Variants in MAGI1 observed in about 807,000 individuals in gnomAD.
MAGI1 encodes membrane associated guanylate kinase, WW and PDZ domain containing 1.
Under a neutral mutation model 139.9 loss-of-function variants are expected in MAGI1, and 58 were observed. That is an observed-to-expected ratio of 0.41 (90% confidence interval 0.34 to 0.52). The LOEUF (loss-of-function observed/expected upper bound fraction) is 0.52. Ranked by LOEUF, MAGI1 falls within the 20% of genes least tolerant of loss-of-function variation. MAGI1 has a pLI of 0.12. For synonymous variants in MAGI1, 812 were observed against 737.9 expected (o/e 1.10, Z -1.63); for missense variants, 1,874 against 1,901.6 (o/e 0.99, Z 0.27).
intron 1 of MAGI1, among the ~76,000 whole-genome samples, chr3:65,805,752 C>T (rs2040814687): frequency 6.6e-6 from 1 of 152,162 alleles, no homozygotes; most frequent in African/African-American, 2.4e-5. Flanking sequence ...GAATACTATG[C>T]AGCCATAAAA....
chr3:65,539,416 AAC>A (rs901676519), intron 2 of MAGI1, among the ~76,000 whole-genome samples: 1 of 152,266 alleles, frequency 6.6e-6, no homozygotes, highest in African/African-American at 2.4e-5. Context: ...AACTACTGTC[AAC>A]CAGAAACACA....
chr3:65,962,460 G>A (rs2064488408), intron 1 of MAGI1, among the ~76,000 whole-genome samples: 1 of 151,972 alleles, frequency 6.6e-6, no homozygotes. Flanking sequence ...GTTCCTCCAG[G>A]AACTACACAC....
At chr3:65,847,576 T>C (rs1035505335) in intron 1 of MAGI1, among the ~76,000 whole-genome samples, 2 of 152,238 alleles carry the variant, frequency 1.3e-5, no homozygotes, top group African/African-American at 4.8e-5. Flanking sequence ...AATATATTTA[T>C]CAATGTGTAT....
intron 12 of MAGI1, among the ~76,000 whole-genome samples, chr3:65,411,918 A>G (rs1945824871): frequency 1.3e-5 from 2 of 151,966 alleles, no homozygotes; most frequent in African/African-American, 4.8e-5. Context: ...CACTGCCACT[A>G]CCTTCTCTTG....
intron 1 of MAGI1, among the ~76,000 whole-genome samples, chr3:65,895,455 G>A (rs937413870): frequency 1.3e-5 from 2 of 152,226 alleles, no homozygotes; most frequent in African/African-American, 4.8e-5. Flanking sequence ...CAGGGTCAGA[G>A]ACCAGAATTC....
intron 7 of MAGI1, among the ~76,000 whole-genome samples, chr3:65,443,995 C>A (rs571674215): frequency 6.6e-6 from 1 of 152,154 alleles, no homozygotes; most frequent in Non-Finnish European, 1.5e-5. Context: ...TGCACACAAA[C>A]ACATACAGGC....
intron 22 of MAGI1, 27 bp from the exon 23 acceptor site, chr3:65,357,159 A>T (rs552891020): frequency 6.3e-7 from 1 of 1,580,058 alleles, no homozygotes; most frequent in South Asian, 1.2e-5. Context: ...CGAGAGCAAC[A>T]GTTGGGTACG....
rs116859259 is a variant in MAGI1, at chr3:65,557,143, G to C, written c.431-63512C>G. 2.1e-3 allele frequency among the ~76,000 whole-genome samples: 327 copies of C among 152,262 alleles called. 8 individuals carry two copies. In the East Asian group the frequency reaches 0.051, roughly 24 times the overall value. On this transcript the variant is annotated intron_variant, in intron 2 of 22. Transcript: ENST00000402939. ...CCTGGTATTCAGACTCTTGTGTATT[G>C]TCTTCCCACAGCGCACAAAACTGGT...
At chr3:65,599,368 A>C (rs2082377346) in intron 2 of MAGI1, among the ~76,000 whole-genome samples, 1 of 152,178 alleles carries the variant, frequency 6.6e-6, no homozygotes. Flanking sequence ...TTGTTCCTTC[A>C]TATTTGCTAC....
intron 1 of MAGI1, among the ~76,000 whole-genome samples, chr3:65,675,053 A>C (rs2087099058): frequency 6.6e-6 from 1 of 152,140 alleles, no homozygotes; most frequent in Non-Finnish European, 1.5e-5. Flanking sequence ...AAGATAAAGG[A>C]ATCAGAAATT....
chr3:65,636,932 G>T (rs79268863), intron 1 of MAGI1, among the ~76,000 whole-genome samples: 7,454 of 152,234 alleles, frequency 0.049, 335 homozygotes, highest in African/African-American at 0.12. Flanking sequence ...CAGCACAAAG[G>T]CTTCAATATA....
chr3:66,000,134 G>A lies in MAGI1; in HGVS notation c.313+37862C>T, dbSNP rs572764850. On this transcript the variant is annotated intron_variant, in intron 1 of 22. Coordinates refer to ENST00000402939, the MANE Select transcript of MAGI1 (RefSeq NM_001033057.2). ...ACTACAGGCGCCCGCTACCATGCCC[G>A]GCTAATTTTCTTTTTGTATTTTTAG... Among the ~76,000 whole-genome samples the A allele has an allele frequency of 2.8e-4, 42 of 151,828 alleles. No homozygotes were observed. The South Asian group carries it at 3.6e-3, about 13-fold the overall frequency.
chr3:65,816,659 A>G (rs77410051), intron 1 of MAGI1, among the ~76,000 whole-genome samples: 1 of 151,846 alleles, frequency 6.6e-6, no homozygotes, highest in African/African-American at 2.4e-5. Context: ...AAAAAGATCA[A>G]TGCCATGGAA....
intron 1 of MAGI1, among the ~76,000 whole-genome samples, chr3:65,802,116 C>A (rs2040551261): frequency 6.6e-6 from 1 of 152,156 alleles, no homozygotes; most frequent in South Asian, 2.1e-4. Context: ...TTCCATGAAA[C>A]CGGTCCCTGG....
At chr3:65,401,661 G>A (rs1371442223) in intron 12 of MAGI1, 191 bp from the exon 13 acceptor site, 6 of 1,544,988 alleles carry the variant, frequency 3.9e-6, no homozygotes, top group Non-Finnish European at 4.4e-6. Flanking sequence ...GGAGGAGAGC[G>A]AGAGGCAGGA....
intron 1 of MAGI1, among the ~76,000 whole-genome samples, chr3:65,661,110 C>A (rs2086166010): frequency 6.6e-6 from 1 of 152,062 alleles, no homozygotes. Flanking sequence ...ATTGAAAAGC[C>A]CCCAATGTAT....
intron 1 of MAGI1, among the ~76,000 whole-genome samples, chr3:65,925,846 A>G (rs1021304596): frequency 2.0e-5 from 3 of 151,966 alleles, no homozygotes; most frequent in Admixed American, 1.3e-4. Context: ...CACTCTGCCA[A>G]TTTTTGTATT....
At chr3:65,721,195 G>A (rs1475881402) in intron 1 of MAGI1, among the ~76,000 whole-genome samples, 1 of 152,064 alleles carries the variant, frequency 6.6e-6, no homozygotes, top group Non-Finnish European at 1.5e-5. Flanking sequence ...GCATACACTG[G>A]AATTCTGACT....
rs77575418 is a variant in MAGI1, at chr3:65,982,079, A to G, written c.313+55917T>C. Among the ~76,000 whole-genome samples the G allele has an allele frequency of 2.2e-3, 337 of 152,294 alleles. 3 individuals carry two copies. The highest frequency in any genetic ancestry group is 7.7e-3 in the African/African-American group (322 of 41,562). The stretch of plus-strand genomic sequence containing the variant: ...CCTTGCAGGGTTGGAGACTTTCACT[A>G]TGTAACTTAAAATAAAACAGTGAAG... On this transcript the variant is annotated intron_variant, in intron 1 of 22. Coordinates refer to ENST00000402939, the MANE Select transcript of MAGI1 (RefSeq NM_001033057.2).
Sources: gnomAD v4.1 joint callset for allele counts (sites outside exome capture counted in the v4.1 genomes callset) on GRCh38, gnomAD v4.1.1 for gene constraint, MANE v1.5 for transcripts, NCBI Gene and HGNC (gene_info 2026-07-23, HGNC 2026-07-21) for gene names.